The following DLGAP2 variants were observed in gnomAD, a reference collection of about 807,000 sequenced individuals.
DLGAP2 encodes DLG associated protein 2.
Under a neutral mutation model 100.3 loss-of-function variants are expected in DLGAP2, and 26 were observed. The ratio of observed to expected loss-of-function variants is 0.26; its 90% confidence interval spans 0.19 to 0.36. The LOEUF is 0.36. DLGAP2 is among the 10% of genes least tolerant of loss of function. The pLI is 1.00. For missense variants in DLGAP2, 1,858 were observed against 1,453.2 expected (o/e 1.28, Z -4.53); for synonymous variants, 886 against 630.1 (o/e 1.41, Z -6.08).
chr8:1,214,841 G>A (rs960037572), intron 2 of DLGAP2, among the ~76,000 whole-genome samples: 1 of 152,220 alleles, frequency 6.6e-6, no homozygotes, highest in Non-Finnish European at 1.5e-5. Context: ...ATGAATTAAA[G>A]CCAAGCCATC....
At chr8:1,007,642 G>A (rs1801159446) in intron 2 of DLGAP2, among the ~76,000 whole-genome samples, 1 of 147,514 alleles carries the variant, frequency 6.8e-6, no homozygotes, top group African/African-American at 2.5e-5. Context: ...TTTTGGGGGG[G>A]GGATCTTCTG....
chr8:910,815 C>T lies in DLGAP2; in HGVS notation c.73+2849C>T, dbSNP rs535740272. 2.5e-4 allele frequency among the ~76,000 whole-genome samples: 38 copies of T among 152,170 alleles called. No individual in the cohort carries two copies. The South Asian group carries it at 3.7e-3, about 15-fold the overall frequency. On this transcript the variant is annotated intron_variant, in intron 2 of 14. Coordinates refer to ENST00000637795, the MANE Select transcript of DLGAP2 (RefSeq NM_001346810.2). ...GGATTGGTGTCCTTGCAGGGGGTTC[C>T]GTCCTTAGCACCTTTTTTTTGGTTA...
chr8:1,447,232 T>A (rs1798005952), intron 3 of DLGAP2, among the ~76,000 whole-genome samples: 1 of 152,230 alleles, frequency 6.6e-6, no homozygotes, highest in African/African-American at 2.4e-5. Context: ...TGTGGGTTTG[T>A]CATAGATAGC....
At chr8:1,110,279 C>T (rs1804910327) in intron 2 of DLGAP2, among the ~76,000 whole-genome samples, 1 of 141,776 alleles carries the variant, frequency 7.1e-6, no homozygotes, top group Non-Finnish European at 1.5e-5. Flanking sequence ...TGTGCTGGAT[C>T]TGTGAGGTGT....
intron 6 of DLGAP2, among the ~76,000 whole-genome samples, chr8:1,615,209 AGT>A (rs1366688364): frequency 6.6e-6 from 1 of 152,206 alleles, no homozygotes; most frequent in Non-Finnish European, 1.5e-5. Flanking sequence ...GGTGAAGATC[AGT>A]CTGGAGGCTG....
chr8:755,077 G>A (rs1036799585), intron 1 of DLGAP2, among the ~76,000 whole-genome samples: 1 of 152,158 alleles, frequency 6.6e-6, no homozygotes, highest in Non-Finnish European at 1.5e-5. Context: ...TTCATTTGAT[G>A]TATTTACCAA....
At chr8:879,750 A>G (rs1797751166) in intron 1 of DLGAP2, among the ~76,000 whole-genome samples, 1 of 152,162 alleles carries the variant, frequency 6.6e-6, no homozygotes, top group Non-Finnish European at 1.5e-5. Context: ...TCTATACCCC[A>G]AAGAGTTGAT....
intron 2 of DLGAP2, among the ~76,000 whole-genome samples, chr8:934,620 C>G (rs1277247775): frequency 1.3e-5 from 2 of 152,084 alleles, no homozygotes; most frequent in East Asian, 3.9e-4. Flanking sequence ...CTATTCCCGG[C>G]TTGTGGTGGG....
chr8:1,629,904 C>G (rs1445786797), intron 7 of DLGAP2, among the ~76,000 whole-genome samples: 1 of 152,168 alleles, frequency 6.6e-6, no homozygotes, highest in Non-Finnish European at 1.5e-5. Context: ...TACTAGTTCT[C>G]TCGTCATCTT....
chr8:1,364,806 A>C (rs1444577367), intron 3 of DLGAP2, among the ~76,000 whole-genome samples: 4 of 152,192 alleles, frequency 2.6e-5, no homozygotes, highest in African/African-American at 9.6e-5. Flanking sequence ...GACGCTGTGC[A>C]TTTACGTCGG....
chr8:1,075,336 A>G (rs1165879051), intron 2 of DLGAP2, among the ~76,000 whole-genome samples: 2 of 152,040 alleles, frequency 1.3e-5, no homozygotes, highest in Admixed American at 6.5e-5. Flanking sequence ...TGAGGCGTGC[A>G]TTGTGGGGTG....
chr8:1,080,843 A>G (rs1345810698), intron 2 of DLGAP2, among the ~76,000 whole-genome samples: 1 of 152,210 alleles, frequency 6.6e-6, no homozygotes, highest in Non-Finnish European at 1.5e-5. Context: ...TGTCCAGGCT[A>G]CTTTCTCATA....
rs574789956 is a variant in DLGAP2 at position 1,530,507 on chromosome 8, A to G, written c.173-18119A>G. Among the ~76,000 whole-genome samples, 10 of 152,312 alleles carry G rather than the reference A, an allele frequency of 6.6e-5. No homozygotes were observed. The South Asian group carries it at 1.5e-3, about 22-fold the overall frequency. On this transcript the variant is annotated intron_variant, in intron 4 of 14. Coordinates refer to ENST00000637795, the MANE Select transcript of DLGAP2 (RefSeq NM_001346810.2). ...TTTGTGCAGTTAATGCAATTATTAC[A>G]GGGTCCTGAGGCGACATACATTCTC... is the stretch of plus-strand genomic sequence containing the variant.
rs1799425344 is a variant in DLGAP2 at position 1,697,299 on chromosome 8, G to A, written c.2949G>A (p.Lys983=). Residue 983 remains lysine, a splice_region_variant and synonymous_variant, in exon 14 of 15, where the codon AAG becomes AAA. Transcript: ENST00000637795. ...DWKMMESPER[K]EERKVPPPIP... ...AGATGATGGAGTCCCCGGAAAGAAA[G>A]GTAAGGGCATCCATGCAGGGCCGGC... 1 of 1,601,902 alleles carries A rather than the reference G, an allele frequency of 6.2e-7. No individual in the cohort carries two copies. The highest frequency in any genetic ancestry group is 8.5e-7 in the Non-Finnish European group (1 of 1,173,212).
chr8:1,361,623 T>TA (rs549590391), intron 3 of DLGAP2, among the ~76,000 whole-genome samples: 1 of 152,260 alleles, frequency 6.6e-6, no homozygotes, highest in Non-Finnish European at 1.5e-5. Context: ...CTGCATCGTT[T>TA]AAACGGAGCA....
intron 4 of DLGAP2, among the ~76,000 whole-genome samples, chr8:1,517,447 T>C (rs1800433000): frequency 6.6e-6 from 1 of 152,002 alleles, no homozygotes; most frequent in Non-Finnish European, 1.5e-5. Context: ...TCAGGGCGTT[T>C]CCCCACCCCC....
rs767164451 is a variant in DLGAP2, at chr8:1,548,922, T to C, written c.469T>C (p.Ser157Pro). ...GCCGGTGGTGCTGGGCGACCACGTGTCCAGCAGCACCTTCCCGCGGATGCA... is the reference window on the plus strand; with the variant it reads ...GCCGGTGGTGCTGGGCGACCACGTGCCCAGCAGCACCTTCCCGCGGATGCA... ...MMPVVLGDHV[S>P]SSTFPRMHYS... The change falls in exon 5 of 15, where the codon TCC (serine) becomes CCC (proline). Residue 157 changes from serine to proline, a missense_variant. Ser to Pro is a moderately conservative substitution (Grantham distance 74, BLOSUM62 -1). Coordinates refer to ENST00000637795, the MANE Select transcript of DLGAP2 (RefSeq NM_001346810.2). 1.3e-6 allele frequency: 2 copies of C among 1,597,952 alleles called. No individual in the cohort carries two copies. The highest frequency in any genetic ancestry group is 1.7e-6 in the Non-Finnish European group (2 of 1,179,050).
intron 3 of DLGAP2, among the ~76,000 whole-genome samples, chr8:1,343,454 G>C (rs954674069): frequency 1.3e-5 from 2 of 152,134 alleles, no homozygotes; most frequent in South Asian, 2.1e-4. Context: ...ACTGAGCCTA[G>C]ATGCCTGGTC....
intron 5 of DLGAP2, among the ~76,000 whole-genome samples, chr8:1,551,708 C>G (rs1320645986): frequency 6.6e-6 from 1 of 152,174 alleles, no homozygotes; most frequent in Non-Finnish European, 1.5e-5. Flanking sequence ...CGCCTTCCCA[C>G]CCAGGCTACA....
Sources: allele counts gnomAD v4.1 joint callset (sites outside exome capture counted in the v4.1 genomes callset), GRCh38; gene constraint gnomAD v4.1.1; transcripts MANE v1.5; gene names NCBI Gene and HGNC (gene_info 2026-07-23, HGNC 2026-07-21).